PPP1R3A: variants seen among roughly 807,000 people sequenced by gnomAD.
The protein encoded by PPP1R3A is protein phosphatase 1 regulatory subunit 3A.
A neutral mutation model predicts 41.7 loss-of-function variants in PPP1R3A; 29 were observed. The ratio of observed to expected loss-of-function variants is 0.70; its 90% CI spans 0.52 to 0.95. The LOEUF (loss-of-function observed/expected upper bound fraction) is 0.95. Among genes scored for constraint, PPP1R3A ranks in the 40% least tolerant of loss-of-function variants. The probability of loss-of-function intolerance (pLI) is 0.00; values close to 1 mark genes in which losing one functional copy is unlikely to be tolerated. For missense variants in PPP1R3A, 1,352 were observed against 1,292.4 expected (o/e 1.05, Z -0.71); for synonymous variants, 485 against 453.4 (o/e 1.07, Z -0.89).
At chr7:113,883,950 T>C (rs1796739062) in intron 1 of PPP1R3A, among the ~76,000 whole-genome samples, 1 of 151,984 alleles carries the variant, frequency 6.6e-6, no homozygotes, top group Non-Finnish European at 1.5e-5. Flanking sequence ...TTCAACTATG[T>C]ATTCTTATGT....
chr7:113,888,494 C>T (rs557719167), intron 1 of PPP1R3A, among the ~76,000 whole-genome samples: 81 of 152,250 alleles, frequency 5.3e-4, no homozygotes, highest in Non-Finnish European at 1.0e-3. Context: ...CAACCTCAGC[C>T]GCATTCATCA....
In PPP1R3A at chr7:113,882,036, TA is replaced by T. The variant is rs760708620; in HGVS notation, c.966+2del. ...CTAATACCGTGGCAACCAGAACACT[TA>T]CCATCAACTCTAATTCTTTTTCATT... On this transcript the variant is annotated splice_donor_variant, in intron 3 of 3. Transcript: ENST00000284601. LOFTEE classifies it high-confidence loss of function. The T allele has an allele frequency of 8.1e-6, 13 of 1,612,268 alleles. No homozygotes were observed. The highest frequency in any genetic ancestry group is 1.1e-5 in the Non-Finnish European group (13 of 1,178,790).
At position 113,880,080 on chromosome 7, in the gene PPP1R3A, C is replaced by T; in HGVS notation, c.1012G>A (p.Glu338Lys). 2 of 1,608,620 alleles carry T rather than the reference C, an allele frequency of 1.2e-6. No individual in the cohort carries two copies. Among genetic ancestry groups the T allele is most frequent in the Non-Finnish European group, 1.7e-6 (2 of 1,175,550 alleles). ...IRTRSTASRD[E>K]RNTFSTDPVN... ...GGATCTGTTGAAAATGTATTCCTTT[C>T]ATCTCTGGAAGCAGTACTTCTGGTT... Residue 338 changes from glutamate to lysine, a missense_variant, in exon 4 of 4, where the codon GAA (glutamate) becomes AAA (lysine). Coordinates refer to ENST00000284601, the MANE Select transcript of PPP1R3A (RefSeq NM_002711.4).
Position 113,918,655 on chromosome 7 carries a change from A to G in PPP1R3A, c.342T>C (p.Ser114=). The G allele has an allele frequency of 3.7e-6, 6 of 1,613,700 alleles. No homozygotes were observed. The highest frequency in any genetic ancestry group is 8.5e-7 in the Non-Finnish European group (1 of 1,179,802). Residue 114 remains serine (S), a synonymous_variant, in exon 1 of 4, where the codon TCT becomes TCC. Coordinates refer to ENST00000284601, the MANE Select transcript of PPP1R3A (RefSeq NM_002711.4). ...GTTGTTGCATAAGATCTTCTTTTGA[A>G]GAAGGCAAGTCAAACAGTGGGGCTA... The part of the protein sequence containing the change: ...YVLAPLFDLP[S]SKEDLMQQLQ...
At chr7:113,897,272 A>G (rs1354908806) in intron 1 of PPP1R3A, among the ~76,000 whole-genome samples, 4 of 151,796 alleles carry the variant, frequency 2.6e-5, no homozygotes, top group African/African-American at 9.7e-5. Flanking sequence ...ATATAAATTA[A>G]TTTGTATAAT....
chr7:113,877,628 G>T lies in PPP1R3A; in HGVS notation c.*95C>A. On this transcript the variant is annotated 3_prime_UTR_variant, in exon 4 of 4. Coordinates refer to ENST00000284601, the MANE Select transcript of PPP1R3A (RefSeq NM_002711.4). ...TAAATGATCCTTCAAGAGAAAAACTGCACTGGATCTTTGAACAATGAATAG... is the reference window on the plus strand; with the variant it reads ...TAAATGATCCTTCAAGAGAAAAACTTCACTGGATCTTTGAACAATGAATAG... 1 of 1,386,096 alleles carries T rather than the reference G, an allele frequency of 7.2e-7. No individual in the cohort carries two copies. The allele number at this position is 1,386,096 out of a possible 1,614,324, so 85.9% of individuals were successfully genotyped here.
chr7:113,879,476 T>A lies in PPP1R3A; in HGVS notation c.1616A>T (p.His539Leu), dbSNP rs759223360. Residue 539 changes from histidine (H) to leucine (L), a missense_variant, in exon 4 of 4, where the codon CAT (histidine) becomes CTT (leucine). His to Leu is a moderately conservative substitution (Grantham distance 99). Coordinates refer to ENST00000284601, the MANE Select transcript of PPP1R3A (RefSeq NM_002711.4). ...KQRKNFQTIL[H>L]DQERKMGNPK... is the part of the protein sequence containing the mutation. ...GTTACCCATCTTCCTTTCTTGGTCA[T>A]GTAAGATTGTTTGGAAATTTTTTCT... 3 of 1,613,408 alleles carry A rather than the reference T, an allele frequency of 1.9e-6. No individual in the cohort carries two copies. Among genetic ancestry groups the A allele is most frequent in the South Asian group, 1.1e-5 (1 of 91,080 alleles).
At position 113,878,945 on chromosome 7, in the gene PPP1R3A, A is replaced by G; in HGVS notation, c.2147T>C (p.Leu716Pro). 3.7e-6 allele frequency: 6 copies of G among 1,613,206 alleles called. No homozygotes were observed. The highest frequency in any genetic ancestry group is 3.4e-6 in the Non-Finnish European group (4 of 1,179,740). ...TTTCTCAGTAATGCCATGATCAGCT[A>G]GAGAAGACAGTTCACAGCACACTGT... ...QETVCCELSS[L>P]ADHGITEKAE... is the part of the protein sequence containing the mutation. The change falls in exon 4 of 4, where the codon CTA becomes CCA. Residue 716 changes from leucine to proline, a missense_variant. Physicochemically the swap from Leu to Pro is moderately conservative, Grantham distance 98. Transcript: ENST00000284601.
At chr7:113,910,546 G>A (rs909030201) in intron 1 of PPP1R3A, among the ~76,000 whole-genome samples, 3 of 151,792 alleles carry the variant, frequency 2.0e-5, no homozygotes, top group Non-Finnish European at 2.9e-5. Context: ...TTTTCTATTG[G>A]TAAGTACTTA....
At chr7:113,907,774 C>G (rs775597282) in intron 1 of PPP1R3A, among the ~76,000 whole-genome samples, 14 of 151,542 alleles carry the variant, frequency 9.2e-5, no homozygotes, top group Non-Finnish European at 1.9e-4. Context: ...TAGACCGTAC[C>G]TGGAGGCTGC....
intron 1 of PPP1R3A, among the ~76,000 whole-genome samples, chr7:113,900,783 CATAT>C (rs966382278): frequency 2.7e-5 from 4 of 147,430 alleles, no homozygotes; most frequent in Admixed American, 6.8e-5. Flanking sequence ...ATAGTATATA[CATAT>C]ATAATTATAT....
chr7:113,892,453 T>C (rs1436554344), intron 1 of PPP1R3A, among the ~76,000 whole-genome samples: 3 of 152,074 alleles, frequency 2.0e-5, no homozygotes, highest in Non-Finnish European at 4.4e-5. Flanking sequence ...CACTCATATA[T>C]TGAAGAAAGG....
At chr7:113,893,593 T>G (rs2129116911) in intron 1 of PPP1R3A, among the ~76,000 whole-genome samples, 1 of 152,174 alleles carries the variant, frequency 6.6e-6, no homozygotes, top group African/African-American at 2.4e-5. Context: ...TTATTAATTT[T>G]AAAATGTGAC....
intron 1 of PPP1R3A, among the ~76,000 whole-genome samples, chr7:113,905,810 T>C (rs1797136636): frequency 6.6e-6 from 1 of 151,838 alleles, no homozygotes; most frequent in Non-Finnish European, 1.5e-5. Context: ...TCAGCACTAA[T>C]ATGAGCAGTG....
rs1393813529 is a variant in PPP1R3A, at chr7:113,918,680, A to C, written c.317T>G (p.Leu106Ter). The C allele has an allele frequency of 6.2e-7, 1 of 1,613,704 alleles. No individual in the cohort carries two copies. The highest frequency in any genetic ancestry group is 1.7e-5 in the Admixed American group (1 of 59,976). ...TDIFHTEEYV[L>*]APLFDLPSSK... is the part of the protein sequence containing the mutation. Reference sequence around the variant, plus strand: ...AGAAGGCAAGTCAAACAGTGGGGCTAAAACATATTCTTCTGTGTGGAAAAT... The same window carrying C: ...AGAAGGCAAGTCAAACAGTGGGGCTCAAACATATTCTTCTGTGTGGAAAAT... Residue 106 changes from leucine (L) to a stop codon, truncating the protein, a stop_gained, in exon 1 of 4, where the codon TTA becomes TGA. Coordinates refer to ENST00000284601, the MANE Select transcript of PPP1R3A (RefSeq NM_002711.4). LOFTEE classifies it high-confidence loss of function.
intron 1 of PPP1R3A, among the ~76,000 whole-genome samples, chr7:113,895,112 A>G (rs1796956800): frequency 6.6e-6 from 1 of 151,960 alleles, no homozygotes; most frequent in African/African-American, 2.4e-5. Flanking sequence ...CCAAGATGGG[A>G]TGTTTTCATG....
At chr7:113,897,559 T>G (rs1402363272) in intron 1 of PPP1R3A, among the ~76,000 whole-genome samples, 1 of 31,120 alleles carries the variant, frequency 3.2e-5, no homozygotes, top group Non-Finnish European at 8.2e-5. Flanking sequence ...GCCCTGTCTC[T>G]TAAAGGAAAA....
chr7:113,896,813 G>T lies in PPP1R3A; in HGVS notation c.783-14493C>A, dbSNP rs1796983654. ...AGCATCAACTATTATTATTATATTG[G>T]CATTTTGCATTTATGCAAAAAAAAT... On this transcript the variant is annotated intron_variant, in intron 1 of 3. Transcript: ENST00000284601. Among the ~76,000 whole-genome samples the T allele has an allele frequency of 2.6e-5, 4 of 151,696 alleles. No individual in the cohort carries two copies. The South Asian group carries it at 8.3e-4, about 31-fold the overall frequency.
At chr7:113,913,410 AATT>A (rs1182921974) in intron 1 of PPP1R3A, among the ~76,000 whole-genome samples, 1 of 152,076 alleles carries the variant, frequency 6.6e-6, no homozygotes, top group Non-Finnish European at 1.5e-5. Flanking sequence ...GTATTCTTAA[AATT>A]ATGTTTTAGA....
Sources: allele counts gnomAD v4.1 joint callset (sites outside exome capture counted in the v4.1 genomes callset), GRCh38; gene constraint gnomAD v4.1.1; transcripts MANE v1.5; gene names NCBI Gene and HGNC (gene_info 2026-07-23, HGNC 2026-07-21).